Variants in CARMIL1 observed in about 807,000 individuals in gnomAD.
CARMIL1 encodes the protein F-actin-uncapping protein LRRC16A.
CARMIL1 carries 90 observed loss-of-function variants against 177.1 expected under a neutral mutation model. The observed-to-expected ratio is 0.51, with a 90% CI of 0.43 to 0.61. CARMIL1 has a LOEUF of 0.61. Ranked by LOEUF, CARMIL1 falls within the 20% of genes least tolerant of loss-of-function variation. The probability of loss-of-function intolerance (pLI) is 0.00; values close to 1 mark genes in which losing one functional copy is unlikely to be tolerated. For synonymous variants in CARMIL1, 577 were observed against 606.2 expected, an observed-to-expected ratio of 0.95 and a Z score of 0.71; for missense variants, 1,380 against 1,667.0, an observed-to-expected ratio of 0.83 and a Z score of 3.00.
chr6:25,508,179 G>A (rs886908644), intron 17 of CARMIL1, among the ~76,000 whole-genome samples: 12 of 152,146 alleles, frequency 7.9e-5, no homozygotes, highest in Non-Finnish European at 1.5e-4. Flanking sequence ...AGATAGGCTC[G>A]ATGGGGCATT....
intron 32 of CARMIL1, among the ~76,000 whole-genome samples, chr6:25,596,252 G>A (rs893002972): frequency 1.3e-5 from 2 of 152,112 alleles, no homozygotes; most frequent in African/African-American, 4.8e-5. Context: ...AAATAAATAC[G>A]TCAGTTTTCA....
intron 9 of CARMIL1, among the ~76,000 whole-genome samples, chr6:25,469,062 G>T (rs1048823759): frequency 6.6e-6 from 1 of 152,154 alleles, no homozygotes; most frequent in African/African-American, 2.4e-5. Flanking sequence ...TGATAAGGGT[G>T]TCACCATTTT....
At chr6:25,375,334 A>G (rs994576019) in intron 2 of CARMIL1, among the ~76,000 whole-genome samples, 1 of 152,210 alleles carries the variant, frequency 6.6e-6, no homozygotes, top group African/African-American at 2.4e-5. Context: ...TCTGGCTTGT[A>G]AGGTTTCTGC....
intron 2 of CARMIL1, among the ~76,000 whole-genome samples, chr6:25,387,733 T>C (rs1485981698): frequency 6.6e-6 from 1 of 152,228 alleles, no homozygotes; most frequent in African/African-American, 2.4e-5. Context: ...CAGTGACTTC[T>C]AATTGAAGCA....
At chr6:25,347,497 A>G (rs545131497) in intron 2 of CARMIL1, among the ~76,000 whole-genome samples, 11 of 152,240 alleles carry the variant, frequency 7.2e-5, no homozygotes, top group Admixed American at 2.0e-4. Flanking sequence ...GATTCAGAGC[A>G]ATTCATATTT....
chr6:25,492,052 C>G (rs1264598183), intron 15 of CARMIL1, 28 bp downstream of exon 15: 1 of 1,587,508 alleles, frequency 6.3e-7, no homozygotes, highest in Non-Finnish European at 8.6e-7. Flanking sequence ...CTCTCATTGT[C>G]ATCTGGAAGT....
chr6:25,448,743 C>T (rs963793073), intron 5 of CARMIL1, among the ~76,000 whole-genome samples: 2 of 152,136 alleles, frequency 1.3e-5, no homozygotes, highest in Non-Finnish European at 2.9e-5. Context: ...TGTGTTTAAT[C>T]ATGGTTGTAT....
intron 2 of CARMIL1, among the ~76,000 whole-genome samples, chr6:25,380,978 A>G (rs1402205984): frequency 6.6e-6 from 1 of 152,136 alleles, no homozygotes; most frequent in Non-Finnish European, 1.5e-5. Flanking sequence ...TAGGACTGCT[A>G]TATTTTCGTT....
At chr6:25,547,034 G>C (rs1809562887) in intron 26 of CARMIL1, among the ~76,000 whole-genome samples, 1 of 151,952 alleles carries the variant, frequency 6.6e-6, no homozygotes, top group African/African-American at 2.4e-5. Flanking sequence ...CTCCAGCCTG[G>C]GTAACAGAGC....
At position 25,526,321 on chromosome 6, in the gene CARMIL1, C is replaced by T. The variant is rs891011628; in HGVS notation, c.1969-2474C>T. Among the ~76,000 whole-genome samples the T allele has an allele frequency of 4.0e-5, 6 of 150,386 alleles. No individual in the cohort carries two copies. The South Asian group carries it at 8.4e-4, about 21-fold the overall frequency. On this transcript the variant is annotated intron_variant, in intron 23 of 36. Transcript: ENST00000329474. ...TTGCGCCACTGCCCTCCAGCCTGGGCGACAGCACAAGACTCCGTCTCAAAA... is the reference window on the plus strand; with the variant it reads ...TTGCGCCACTGCCCTCCAGCCTGGGTGACAGCACAAGACTCCGTCTCAAAA...
At chr6:25,394,601 T>C (rs1280102078) in intron 2 of CARMIL1, among the ~76,000 whole-genome samples, 2 of 152,208 alleles carry the variant, frequency 1.3e-5, no homozygotes, top group African/African-American at 4.8e-5. Context: ...TACCAAGTGT[T>C]GGGTTTGTGC....
chr6:25,327,741 G>T (rs1785261370), intron 2 of CARMIL1, among the ~76,000 whole-genome samples: 1 of 152,022 alleles, frequency 6.6e-6, no homozygotes, highest in Non-Finnish European at 1.5e-5. Flanking sequence ...ATCATTCCTG[G>T]CTATTGATAT....
Position 25,581,221 on chromosome 6 carries a change from GTTTT to G in CARMIL1, c.2810-18_2810-15del, listed in dbSNP as rs201519353. The G allele has an allele frequency of 6.3e-7, 1 of 1,597,588 alleles. No individual in the cohort carries two copies. The highest frequency in any genetic ancestry group is 8.5e-7 in the Non-Finnish European group (1 of 1,174,798). ...AGCTTTGGCCTTGGGCTGTTTTTTT[GTTTT>G]TTTGTTTTTAATTTTAGAAATGGAG... is the stretch of plus-strand genomic sequence containing the variant. On this transcript the variant is annotated intron_variant, in intron 30 of 36. Coordinates refer to ENST00000329474, the MANE Select transcript of CARMIL1 (RefSeq NM_017640.6).
intron 1 of CARMIL1, among the ~76,000 whole-genome samples, chr6:25,284,521 C>G (rs1311803709): frequency 6.6e-6 from 1 of 152,182 alleles, no homozygotes; most frequent in Admixed American, 6.5e-5. Context: ...ACCAGCCTGA[C>G]CAACATGGTA....
chr6:25,448,706 T>C (rs1798477027), intron 5 of CARMIL1, among the ~76,000 whole-genome samples: 2 of 152,242 alleles, frequency 1.3e-5, no homozygotes, highest in Non-Finnish European at 2.9e-5. Context: ...AGTAGACTGC[T>C]AGCTTTGCGA....
At chr6:25,430,668 C>T (rs12200019) in intron 4 of CARMIL1, among the ~76,000 whole-genome samples, 22,398 of 151,828 alleles carry the variant, frequency 0.15, 1,721 homozygotes, top group Non-Finnish European at 0.17. Flanking sequence ...TGAGCTCAAG[C>T]GATCCACCTC....
chr6:25,551,348 T>C (rs1040951830), intron 27 of CARMIL1, among the ~76,000 whole-genome samples: 2 of 152,198 alleles, frequency 1.3e-5, no homozygotes, highest in African/African-American at 2.4e-5. Flanking sequence ...TAAGAGAGGG[T>C]ACATGTTTGT....
chr6:25,541,128 T>C (rs1808849529), intron 26 of CARMIL1, among the ~76,000 whole-genome samples: 1 of 152,222 alleles, frequency 6.6e-6, no homozygotes, highest in African/African-American at 2.4e-5. Context: ...CAAAATTGGC[T>C]TTGTTATTTA....
chr6:25,597,784 T>A (rs1814992122), intron 32 of CARMIL1, among the ~76,000 whole-genome samples: 1 of 152,236 alleles, frequency 6.6e-6, no homozygotes, highest in Non-Finnish European at 1.5e-5. Context: ...AGCACCTTCT[T>A]GAATTGCTTC....
Sources: gnomAD v4.1 joint callset for allele counts (sites outside exome capture counted in the v4.1 genomes callset) on GRCh38, gnomAD v4.1.1 for gene constraint, MANE v1.5 for transcripts, NCBI Gene and HGNC (gene_info 2026-07-23, HGNC 2026-07-21) for gene names.